Variants in DACH1 observed in about 807,000 individuals in gnomAD.
The protein encoded by DACH1 is dachshund homolog 1.
Under a neutral mutation model 54.2 loss-of-function variants are expected in DACH1, and 12 were observed. The observed-to-expected ratio is 0.22, with a 90% CI of 0.14 to 0.36. The LOEUF is 0.36. Ranked by LOEUF, DACH1 falls within the 10% of genes least tolerant of loss-of-function variation. DACH1 has a pLI of 1.00. For missense variants in DACH1, 805 were observed against 929.8 expected, an observed-to-expected ratio of 0.87 and a Z score of 1.75; for synonymous variants, 386 against 366.2, an observed-to-expected ratio of 1.05 and a Z score of -0.62.
At chr13:71,761,557 T>A (rs1188965622) in intron 1 of DACH1, among the ~76,000 whole-genome samples, 1 of 152,208 alleles carries the variant, frequency 6.6e-6, no homozygotes, top group Non-Finnish European at 1.5e-5. Context: ...TCTTAAATAC[T>A]TACTAGCCTT....
intron 1 of DACH1, among the ~76,000 whole-genome samples, chr13:71,766,767 A>G (rs937419299): frequency 2.6e-5 from 4 of 152,146 alleles, no homozygotes; most frequent in Non-Finnish European, 5.9e-5. Context: ...GAATGAAAGC[A>G]CTGAAAAAAA....
intron 3 of DACH1, among the ~76,000 whole-genome samples, chr13:71,627,466 A>G (rs917706261): frequency 3.9e-5 from 6 of 152,034 alleles, no homozygotes; most frequent in African/African-American, 1.4e-4. Flanking sequence ...GCAACAATAC[A>G]TCATTTAAGT....
rs534643364 is a variant in DACH1, at chr13:71,842,152, C to T, written c.848+23770G>A. Reference sequence around the variant, plus strand: ...TAACTTCTCTGTAATTCAATATCTTCCTCTATAAAATGGAGATAAGACTGC... The same window carrying T: ...TAACTTCTCTGTAATTCAATATCTTTCTCTATAAAATGGAGATAAGACTGC... On this transcript the variant is annotated intron_variant, in intron 1 of 10. Transcript: ENST00000613252. 2.6e-5 allele frequency among the ~76,000 whole-genome samples: 4 copies of T among 152,248 alleles called. 1 individual carries two copies. The highest frequency in any genetic ancestry group is 7.2e-5 in the African/African-American group (3 of 41,552).
At chr13:71,452,335 C>T (rs1875137593) in intron 10 of DACH1, among the ~76,000 whole-genome samples, 1 of 151,988 alleles carries the variant, frequency 6.6e-6, no homozygotes, top group Non-Finnish European at 1.5e-5. Context: ...ACCTTGTTGC[C>T]CAGGCTGGTC....
At chr13:71,820,284 G>A (rs1212996970) in intron 1 of DACH1, among the ~76,000 whole-genome samples, 9 of 152,040 alleles carry the variant, frequency 5.9e-5, no homozygotes, top group African/African-American at 1.9e-4. Context: ...CCTTATCTTA[G>A]TATCACCATA....
intron 1 of DACH1, among the ~76,000 whole-genome samples, chr13:71,817,971 TGC>T (rs1888031745): frequency 6.6e-6 from 1 of 151,744 alleles, no homozygotes; most frequent in Non-Finnish European, 1.5e-5. Flanking sequence ...CCCGCCATGA[TGC>T]CCCACTAATT....
chr13:71,654,727 A>G (rs1310013595), intron 2 of DACH1, among the ~76,000 whole-genome samples: 1 of 152,118 alleles, frequency 6.6e-6, no homozygotes, highest in Admixed American at 6.6e-5. Context: ...CTCAACTTCA[A>G]AGCCTAAAAT....
At chr13:71,533,067 T>C (rs1882518400) in intron 6 of DACH1, among the ~76,000 whole-genome samples, 1 of 151,514 alleles carries the variant, frequency 6.6e-6, no homozygotes. Context: ...ACTTTTAGAA[T>C]AACTGGTCAG....
At chr13:71,805,249 G>C (rs1180516466) in intron 1 of DACH1, among the ~76,000 whole-genome samples, 1 of 152,104 alleles carries the variant, frequency 6.6e-6, no homozygotes, top group Non-Finnish European at 1.5e-5. Context: ...TAGAAAACAA[G>C]GAGGGAATCT....
At chr13:71,584,338 T>TTC (rs1873072683) in intron 3 of DACH1, among the ~76,000 whole-genome samples, 2 of 152,242 alleles carry the variant, frequency 1.3e-5, no homozygotes, top group African/African-American at 4.8e-5. Flanking sequence ...GTGAGCTTCC[T>TTC]ATGAAGAGTT....
chr13:71,455,075 C>T (rs369008454), intron 10 of DACH1, among the ~76,000 whole-genome samples: 1 of 152,162 alleles, frequency 6.6e-6, no homozygotes, highest in Non-Finnish European at 1.5e-5. Context: ...CCTTTGATTT[C>T]TCCTAGGAGC....
At chr13:71,518,969 T>G (rs1881362787) in intron 6 of DACH1, among the ~76,000 whole-genome samples, 1 of 151,970 alleles carries the variant, frequency 6.6e-6, no homozygotes, top group Admixed American at 6.6e-5. Context: ...CGTAAAGTTT[T>G]ACTGAAGCAG....
chr13:71,667,314 A>G (rs1365159514), intron 2 of DACH1, among the ~76,000 whole-genome samples: 1 of 152,192 alleles, frequency 6.6e-6, no homozygotes, highest in Non-Finnish European at 1.5e-5. Context: ...TCTGGAATTC[A>G]GGCCAAGATC....
At chr13:71,687,440 A>G (rs991502232) in intron 1 of DACH1, among the ~76,000 whole-genome samples, 1 of 152,150 alleles carries the variant, frequency 6.6e-6, no homozygotes, top group Non-Finnish European at 1.5e-5. Context: ...AGCACATGAG[A>G]CAGAAATCAA....
At chr13:71,565,000 C>A (rs891179513) in intron 4 of DACH1, among the ~76,000 whole-genome samples, 3 of 152,068 alleles carry the variant, frequency 2.0e-5, no homozygotes, top group Admixed American at 2.0e-4. Flanking sequence ...CGGCTCACTG[C>A]AACCTCCACC....
intron 3 of DACH1, among the ~76,000 whole-genome samples, chr13:71,604,092 T>G (rs1270881845): frequency 2.0e-5 from 3 of 151,940 alleles, no homozygotes; most frequent in Non-Finnish European, 4.4e-5. Context: ...TTTTCAAAAC[T>G]CTACAAATAA....
At chr13:71,542,562 T>A (rs1883205644) in intron 6 of DACH1, among the ~76,000 whole-genome samples, 2 of 152,208 alleles carry the variant, frequency 1.3e-5, no homozygotes, top group South Asian at 2.1e-4. Context: ...TATTTTAAAA[T>A]TTTTCCACAA....
chr13:71,653,889 A>G (rs1402686858), intron 2 of DACH1, among the ~76,000 whole-genome samples: 2 of 152,192 alleles, frequency 1.3e-5, no homozygotes, highest in African/African-American at 4.8e-5. Context: ...CATTTTCTAC[A>G]GAGTAGATCT....
chr13:71,839,947 A>T (rs1888951367), intron 1 of DACH1, among the ~76,000 whole-genome samples: 1 of 151,666 alleles, frequency 6.6e-6, no homozygotes. Context: ...GTATTTATTT[A>T]TTTATTTTTA....
Sources: allele counts gnomAD v4.1 joint callset (sites outside exome capture counted in the v4.1 genomes callset), GRCh38; gene constraint gnomAD v4.1.1; transcripts MANE v1.5; gene names NCBI Gene and HGNC (gene_info 2026-07-23, HGNC 2026-07-21).